Variants in EFNA5 observed in about 807,000 individuals in gnomAD.
The protein encoded by EFNA5 is ephrin A5.
In EFNA5, 5 loss-of-function variants were observed where a neutral mutation model predicts 22.9. The ratio of observed to expected loss-of-function variants is 0.22; its 90% CI spans 0.11 to 0.46. The LOEUF (loss-of-function observed/expected upper bound fraction) is 0.46, where lower values mean the gene tolerates loss of function less well. Ranked by LOEUF, EFNA5 falls within the 20% of genes least tolerant of loss-of-function variation. The pLI is 0.99. For synonymous variants in EFNA5, 113 were observed against 112.2 expected, an observed-to-expected ratio of 1.01 and a Z score of -0.04; for missense variants, 237 against 293.3, an observed-to-expected ratio of 0.81 and a Z score of 1.40.
chr5:107,661,114 TA>T (rs746307081), intron 1 of EFNA5, among the ~76,000 whole-genome samples: 2,221 of 129,946 alleles, frequency 0.017, 26 homozygotes, highest in African/African-American at 0.031. Context: ...ATCTGTCTGT[TA>T]AAAAAAAAAA....
At chr5:107,644,842 C>A (rs565144164) in intron 1 of EFNA5, among the ~76,000 whole-genome samples, 2 of 152,278 alleles carry the variant, frequency 1.3e-5, no homozygotes, top group South Asian at 4.1e-4. Flanking sequence ...GCTGGGATTA[C>A]AGGCATGTGC....
chr5:107,531,608 T>C (rs1412667885), intron 1 of EFNA5, among the ~76,000 whole-genome samples: 1 of 152,152 alleles, frequency 6.6e-6, no homozygotes, highest in Non-Finnish European at 1.5e-5. Context: ...GGTGAGCTCA[T>C]GGCCAAGCAG....
chr5:107,655,314 A>T (rs1342067763), intron 1 of EFNA5, among the ~76,000 whole-genome samples: 1 of 152,166 alleles, frequency 6.6e-6, no homozygotes, highest in Non-Finnish European at 1.5e-5. Context: ...CTTCCAATTT[A>T]GCAGGAAAAA....
chr5:107,407,541 C>T (rs1388747441), intron 2 of EFNA5, among the ~76,000 whole-genome samples: 2 of 152,038 alleles, frequency 1.3e-5, no homozygotes, highest in African/African-American at 4.8e-5. Context: ...GGACACTTAT[C>T]AAAAGAAAAG....
intron 1 of EFNA5, among the ~76,000 whole-genome samples, chr5:107,447,155 A>T (rs1749419772): frequency 6.6e-6 from 1 of 152,174 alleles, no homozygotes; most frequent in Non-Finnish European, 1.5e-5. Context: ...GCCTCAGGAA[A>T]GGGGAATCAG....
chr5:107,555,492 T>C (rs1246478884), intron 1 of EFNA5, among the ~76,000 whole-genome samples: 1 of 152,200 alleles, frequency 6.6e-6, no homozygotes, highest in Admixed American at 6.5e-5. Flanking sequence ...GCTGAAGTCA[T>C]CAATGTAAAG....
At chr5:107,393,684 C>T (rs752192343) in intron 2 of EFNA5, among the ~76,000 whole-genome samples, 71 of 152,298 alleles carry the variant, frequency 4.7e-4, no homozygotes, top group African/African-American at 1.3e-3. Context: ...GCTGTTAGCA[C>T]GGCCCAGTTT....
At chr5:107,643,581 C>G (rs1750569373) in intron 1 of EFNA5, among the ~76,000 whole-genome samples, 2 of 152,020 alleles carry the variant, frequency 1.3e-5, no homozygotes, top group African/African-American at 4.8e-5. Flanking sequence ...CACTGTGTTT[C>G]AAGCATCAGG....
intron 1 of EFNA5, among the ~76,000 whole-genome samples, chr5:107,461,442 T>TATAG (rs1409240856): frequency 6.6e-6 from 1 of 152,136 alleles, no homozygotes; most frequent in African/African-American, 2.4e-5. Flanking sequence ...ATCCAGCCGA[T>TATAG]ATACCCCTAA....
At chr5:107,540,723 A>G (rs1025247545) in intron 1 of EFNA5, among the ~76,000 whole-genome samples, 13 of 152,246 alleles carry the variant, frequency 8.5e-5, no homozygotes, top group African/African-American at 2.7e-4. Flanking sequence ...GATCTTAAAA[A>G]TGTTCACAGA....
intron 1 of EFNA5, among the ~76,000 whole-genome samples, chr5:107,583,208 T>C (rs771239977): frequency 6.6e-6 from 1 of 152,176 alleles, no homozygotes; most frequent in Non-Finnish European, 1.5e-5. Context: ...CAGTTCTCAA[T>C]GTCCTAAGAG....
At chr5:107,465,504 T>C (rs1749950291) in intron 1 of EFNA5, among the ~76,000 whole-genome samples, 1 of 152,142 alleles carries the variant, frequency 6.6e-6, no homozygotes. Context: ...CTTTGCCTCT[T>C]AAAGCATGAG....
intron 1 of EFNA5, among the ~76,000 whole-genome samples, chr5:107,467,015 T>C (rs934893770): frequency 3.9e-5 from 6 of 152,164 alleles, no homozygotes; most frequent in Non-Finnish European, 8.8e-5. Flanking sequence ...TTAGTCTCAA[T>C]AATAAGGAAA....
intron 1 of EFNA5, among the ~76,000 whole-genome samples, chr5:107,632,190 TCCC>T (rs1166570906): frequency 6.6e-6 from 1 of 152,166 alleles, no homozygotes. Context: ...CCTTGCCATT[TCCC>T]CCATCTTTAT....
chr5:107,469,066 T>C (rs1472859241), intron 1 of EFNA5, among the ~76,000 whole-genome samples: 2 of 152,172 alleles, frequency 1.3e-5, no homozygotes, highest in Non-Finnish European at 2.9e-5. Context: ...ATTTTGAATT[T>C]GCAGGATCCA....
At chr5:107,582,695 AT>A (rs1220095453) in intron 1 of EFNA5, among the ~76,000 whole-genome samples, 3 of 152,082 alleles carry the variant, frequency 2.0e-5, no homozygotes, top group South Asian at 4.1e-4. Context: ...AAAGTAAATG[AT>A]TTAAAGTAAA....
At chr5:107,444,728 A>G (rs1172554687) in intron 1 of EFNA5, among the ~76,000 whole-genome samples, 1 of 152,146 alleles carries the variant, frequency 6.6e-6, no homozygotes, top group African/African-American at 2.4e-5. Context: ...TTCCAAATCC[A>G]TTTGTGTAAG....
chr5:107,492,198 T>A (rs1746823974), intron 1 of EFNA5, among the ~76,000 whole-genome samples: 1 of 152,080 alleles, frequency 6.6e-6, no homozygotes, highest in Admixed American at 6.6e-5. Context: ...TAAACCATGT[T>A]TAAAAAAAAT....
chr5:107,578,203 T>A (rs1748967029), intron 1 of EFNA5, among the ~76,000 whole-genome samples: 2 of 152,202 alleles, frequency 1.3e-5, no homozygotes, highest in Non-Finnish European at 2.9e-5. Flanking sequence ...TGCAAAAGTG[T>A]GCCTCTCCTA....
Sources: gnomAD v4.1 joint callset for allele counts (sites outside exome capture counted in the v4.1 genomes callset) on GRCh38, gnomAD v4.1.1 for gene constraint, MANE v1.5 for transcripts, NCBI Gene and HGNC (gene_info 2026-07-23, HGNC 2026-07-21) for gene names.